Variants in PCDHGB1 observed in about 807,000 individuals in gnomAD.
The protein encoded by PCDHGB1 is protocadherin gamma-B1.
In PCDHGB1, 34 loss-of-function variants were observed where a neutral mutation model predicts 56.6. The observed-to-expected ratio is 0.60, with a 90% CI of 0.46 to 0.80. PCDHGB1 has a LOEUF of 0.80. Ranked by LOEUF, PCDHGB1 falls within the 30% of genes least tolerant of loss-of-function variation. The pLI is 0.00. For synonymous variants in PCDHGB1, 561 were observed against 505.9 expected (o/e 1.11, Z -1.46); for missense variants, 1,278 against 1,204.6 (o/e 1.06, Z -0.90).
chr5:141,398,799 C>T (rs2093705548), intron 1 of PCDHGB1: 3 of 1,613,848 alleles, frequency 1.9e-6, no homozygotes, highest in East Asian at 2.2e-5. Context: ...CCCTAAGCGG[C>T]ACCACTGAGC....
Position 141,491,034 on chromosome 5 carries a change from T to G in PCDHGB1, c.2410-3773T>G, listed in dbSNP as rs375902824. 1 of 1,614,170 alleles carries G rather than the reference T, an allele frequency of 6.2e-7. No homozygotes were observed. The highest frequency in any genetic ancestry group is 8.5e-7 in the Non-Finnish European group (1 of 1,180,024). On this transcript the variant is annotated intron_variant, in intron 1 of 3. Coordinates refer to ENST00000523390, the MANE Select transcript of PCDHGB1 (RefSeq NM_018922.3). The surrounding 1 kb of genome is among the most constrained non-coding windows in gnomAD (Gnocchi z 6.9). ...CCAAGGTGACAGCCGTGGATGCTGATGCAGGCCACAATGCGTGGCTCTCCT... is the reference window on the plus strand; with the variant it reads ...CCAAGGTGACAGCCGTGGATGCTGAGGCAGGCCACAATGCGTGGCTCTCCT...
At chr5:141,387,557 G>A in intron 1 of PCDHGB1, 1 of 416,144 alleles carries the variant, frequency 2.4e-6, no homozygotes. Flanking sequence ...TTTCAGTTAG[G>A]CACACAATTA....
chr5:141,409,293 T>G, intron 1 of PCDHGB1: 1 of 1,613,992 alleles, frequency 6.2e-7, no homozygotes, highest in Non-Finnish European at 8.5e-7. Flanking sequence ...CCTCCAGGAA[T>G]GGTTGTTGCC....
chr5:141,350,194 C>A lies in PCDHGB1; in HGVS notation c.-67C>A. 1 of 1,407,022 alleles carries A rather than the reference C, an allele frequency of 7.1e-7. No homozygotes were observed. Among genetic ancestry groups the A allele is most frequent in the South Asian group, 1.6e-5 (1 of 62,962 alleles). 87.2% of individuals were successfully genotyped at this position (1,407,022 alleles called of 1,614,324 possible). A position where few individuals can be genotyped will look rare whatever the true frequency, so the allele number is the denominator to read the frequency against. ...AGTCCTAAGCTCAAATCACAGAAGT[C>A]CAGGGTGCTGCCATTTCTTTTTGAA... On this transcript the variant is annotated 5_prime_UTR_variant, in exon 1 of 4. Coordinates refer to ENST00000523390, the MANE Select transcript of PCDHGB1 (RefSeq NM_018922.3).
At chr5:141,365,092 C>T in intron 1 of PCDHGB1, 1 of 1,613,856 alleles carries the variant, frequency 6.2e-7, no homozygotes, top group Non-Finnish European at 8.5e-7. Flanking sequence ...TTCCAGAGAA[C>T]ATACCTGTGG....
chr5:141,432,650 G>T lies in PCDHGB1; in HGVS notation c.2410-62157G>T. 6.2e-7 allele frequency: 1 copy of T among 1,613,868 alleles called. No individual in the cohort carries two copies. The highest frequency in any genetic ancestry group is 1.1e-5 in the South Asian group (1 of 91,064). On this transcript the variant is annotated intron_variant, in intron 1 of 3. Transcript: ENST00000523390. The surrounding 1 kb of genome is among the most constrained non-coding windows in gnomAD (Gnocchi z 6.0). The stretch of plus-strand genomic sequence containing the variant: ...CACGGGCGAGGTGCGCACGGCGCGA[G>T]CCCTGCTGGACAGAGACGCGCTCAA...
At chr5:141,428,613 C>T (rs1247239314) in intron 1 of PCDHGB1, 1 of 212,608 alleles carries the variant, frequency 4.7e-6, no homozygotes, top group African/African-American at 2.3e-5. Flanking sequence ...AAGAGAATAA[C>T]AAGATAAGCT....
At chr5:141,438,548 C>T (rs1423036586) in intron 1 of PCDHGB1, among the ~76,000 whole-genome samples, 2 of 135,792 alleles carry the variant, frequency 1.5e-5, no homozygotes, top group Non-Finnish European at 3.1e-5. Context: ...ATATCTAAGC[C>T]CTAATAAGAG....
At chr5:141,447,209 G>A (rs1004956165) in intron 1 of PCDHGB1, among the ~76,000 whole-genome samples, 3 of 151,850 alleles carry the variant, frequency 2.0e-5, no homozygotes, top group East Asian at 3.9e-4. Context: ...GCTTGATCTC[G>A]GCTCACTGCA....
At chr5:141,502,309 T>G (rs1395136136) in intron 2 of PCDHGB1, among the ~76,000 whole-genome samples, 2 of 152,196 alleles carry the variant, frequency 1.3e-5, no homozygotes, top group Admixed American at 6.5e-5. Flanking sequence ...TTTCCTCTCC[T>G]TTAATCTGGA....
chr5:141,487,041 G>C lies in PCDHGB1; in HGVS notation c.2410-7766G>C, dbSNP rs149314216. On this transcript the variant is annotated intron_variant, in intron 1 of 3. Coordinates refer to ENST00000523390, the MANE Select transcript of PCDHGB1 (RefSeq NM_018922.3). The surrounding 1 kb of genome is among the most constrained non-coding windows in gnomAD (Gnocchi z 5.0). ...GATCCCAGCCTGTTTGCAGTCTCTC[G>C]ATATGCTGGGGAGGTGCGGACGGCT... 2.5e-6 allele frequency: 4 copies of C among 1,614,018 alleles called. No homozygotes were observed. Among genetic ancestry groups the C allele is most frequent in the South Asian group, 2.2e-5 (2 of 91,084 alleles).
intron 1 of PCDHGB1, chr5:141,417,091 A>G (rs1345871347): frequency 6.6e-6 from 1 of 152,194 alleles, no homozygotes; most frequent in Non-Finnish European, 1.5e-5. Flanking sequence ...TTTTGATTAT[A>G]ATTATTTAAA....
intron 1 of PCDHGB1, among the ~76,000 whole-genome samples, chr5:141,469,802 CATT>C (rs2099211643): frequency 6.6e-6 from 1 of 152,022 alleles, no homozygotes; most frequent in Admixed American, 6.6e-5. Context: ...ATTGCAAAAA[CATT>C]GTAGATAGAA....
At position 141,352,506 on chromosome 5, in the gene PCDHGB1, A is replaced by T. The variant is rs770894188; in HGVS notation, c.2246A>T (p.Asn749Ile). 8.1e-6 allele frequency: 13 copies of T among 1,613,868 alleles called. No individual in the cohort carries two copies. Among genetic ancestry groups the T allele is most frequent in the Non-Finnish European group, 1.0e-5 (12 of 1,179,864 alleles). ...HSEGTLPYSY[N>I]LCIASHSAKT... ...GAGGGGACTTTGCCCTATTCCTACAATCTATGTATTGCCTCTCATTCTGCA... is the reference window on the plus strand; with the variant it reads ...GAGGGGACTTTGCCCTATTCCTACATTCTATGTATTGCCTCTCATTCTGCA... The change falls in exon 1 of 4, where the codon AAT becomes ATT. Residue 749 changes from asparagine to isoleucine, a missense_variant. Transcript: ENST00000523390.
rs980196319 is a variant in PCDHGB1 at position 141,511,604 on chromosome 5, A to C, written c.*431A>C. 3 of 248,420 alleles carry C rather than the reference A, an allele frequency of 1.2e-5. No individual in the cohort carries two copies. Among genetic ancestry groups the C allele is most frequent in the African/African-American group, 6.6e-5 (3 of 45,596 alleles). The allele number at this position is 248,420 out of a possible 1,614,324, so 15.4% of individuals were successfully genotyped here. Reference sequence around the variant, plus strand: ...GGTGTTGAAGTACCAAGTAACCTACAAGCCTCCTAGTTCTGAAAAGTTGGA... The same window carrying C: ...GGTGTTGAAGTACCAAGTAACCTACCAGCCTCCTAGTTCTGAAAAGTTGGA... On this transcript the variant is annotated 3_prime_UTR_variant, in exon 4 of 4. Coordinates refer to ENST00000523390, the MANE Select transcript of PCDHGB1 (RefSeq NM_018922.3).
rs1002764667 is a variant in PCDHGB1, at chr5:141,468,260, G to A, written c.2410-26547G>A. 4.0e-5 allele frequency among the ~76,000 whole-genome samples: 6 copies of A among 150,102 alleles called. No homozygotes were observed. The East Asian group carries it at 1.2e-3, about 30-fold the overall frequency. ...GAATTGCCTGAACCTGGGAGGCAGA[G>A]GTTGTGGTGAGCCGAGACCACGCCA... On this transcript the variant is annotated intron_variant, in intron 1 of 3. Coordinates refer to ENST00000523390, the MANE Select transcript of PCDHGB1 (RefSeq NM_018922.3).
At chr5:141,353,305 G>A (rs1033054444) in intron 1 of PCDHGB1, among the ~76,000 whole-genome samples, 2 of 152,084 alleles carry the variant, frequency 1.3e-5, no homozygotes, top group African/African-American at 4.8e-5. Flanking sequence ...CTTTATAAAT[G>A]TATTTAGAGT....
intron 1 of PCDHGB1, chr5:141,375,406 T>A: frequency 6.2e-7 from 1 of 1,613,968 alleles, no homozygotes; most frequent in Admixed American, 1.7e-5. Flanking sequence ...TCTCTCTAAA[T>A]GTGGCAGACA....
chr5:141,494,778 C>CA, intron 1 of PCDHGB1, 29 bp from the exon 2 acceptor site: 1 of 1,614,086 alleles, frequency 6.2e-7, no homozygotes, highest in Non-Finnish European at 8.5e-7. Context: ...CACGGGTACT[C>CA]AGCCCCTTTC....
Sources: allele counts gnomAD v4.1 joint callset (sites outside exome capture counted in the v4.1 genomes callset), GRCh38; gene constraint gnomAD v4.1.1; non-coding constraint Gnocchi (gnomAD v3.1); transcripts MANE v1.5; gene names NCBI Gene and HGNC (gene_info 2026-07-23, HGNC 2026-07-21).